The following PSMD7 variants were observed in gnomAD, a reference collection of about 807,000 sequenced individuals.
PSMD7 encodes the protein proteasome 26S subunit, non-ATPase 7, also known as 26S proteasome non-ATPase regulatory subunit 7.
PSMD7 carries 13 observed loss-of-function variants against 36.4 expected under a neutral mutation model. The observed-to-expected ratio is 0.36, with a 90% CI of 0.23 to 0.57. PSMD7 has a LOEUF of 0.57. Ranked by LOEUF, PSMD7 falls within the 20% of genes least tolerant of loss-of-function variation. The pLI is 0.83. For synonymous variants in PSMD7, 186 were observed against 151.0 expected (o/e 1.23, Z -1.70); for missense variants, 298 against 393.6 (o/e 0.76, Z 2.06).
chr16:74,305,698 G>A lies in PSMD7; in HGVS notation c.940G>A (p.Asp314Asn). ...KEKDKDKEKS[D>N]VKKEEKKEKK ...GAAAGATAAAGATAAGGAAAAGAGT[G>A]ATGTAAAGAAAGAGGAGAAAAAGGA... The change falls in exon 7 of 7, where the codon GAT (aspartate) becomes AAT (asparagine). Residue 314 changes from aspartate to asparagine, a missense_variant. Transcript: ENST00000219313. 6.8e-7 allele frequency: 1 copy of A among 1,463,392 alleles called. No individual in the cohort carries two copies. Among genetic ancestry groups the A allele is most frequent in the Non-Finnish European group, 9.1e-7 (1 of 1,102,550 alleles). 90.7% of individuals were successfully genotyped at this position (1,463,392 alleles called of 1,614,324 possible). A position where few individuals can be genotyped will look rare whatever the true frequency, so the allele number is the denominator to read the frequency against.
chr16:74,303,279 C>T (rs943009736), intron 5 of PSMD7, among the ~76,000 whole-genome samples: 3 of 152,182 alleles, frequency 2.0e-5, no homozygotes, highest in Non-Finnish European at 2.9e-5. Flanking sequence ...AAAATAATCA[C>T]GGCTAACTTT....
intron 6 of PSMD7, 70 bp from the exon 7 acceptor site, chr16:74,305,219 G>T (rs572810658): frequency 6.8e-7 from 1 of 1,477,976 alleles, no homozygotes; most frequent in East Asian, 2.3e-5. Context: ...TTCTTAGAAT[G>T]TAAGAACTTG....
intron 2 of PSMD7, chr16:74,300,462 A>T (rs1475276590): frequency 4.1e-6 from 2 of 482,242 alleles, no homozygotes; most frequent in Non-Finnish European, 7.5e-6. Context: ...ACATGTAAAC[A>T]AACAAAAGTG....
At chr16:74,301,243 A>G in intron 3 of PSMD7, 99 bp downstream of exon 3, 1 of 761,156 alleles carries the variant, frequency 1.3e-6, no homozygotes, top group Non-Finnish European at 2.1e-6. Flanking sequence ...CCTTTCACTT[A>G]GCTACACTTC....
chr16:74,297,909 G>C (rs184556232), intron 1 of PSMD7, among the ~76,000 whole-genome samples: 2 of 152,014 alleles, frequency 1.3e-5, no homozygotes, highest in African/African-American at 4.8e-5. Context: ...ATCAGCTGTG[G>C]TTTTAACCCA....
chr16:74,302,296 A>G lies in PSMD7; in HGVS notation c.438+4A>G. 3 of 1,612,986 alleles carry G rather than the reference A, an allele frequency of 1.9e-6. No individual in the cohort carries two copies. The highest frequency in any genetic ancestry group is 2.5e-6 in the Non-Finnish European group (3 of 1,179,300). Reference sequence around the variant, plus strand: ...TTCAGTGGAAGAAGTCCATGATGTAAGTCATCTTGCTATGAACCTGGGAGG... The same window carrying G: ...TTCAGTGGAAGAAGTCCATGATGTAGGTCATCTTGCTATGAACCTGGGAGG... On this transcript the variant is annotated splice_donor_region_variant and intron_variant, in intron 5 of 6. Transcript: ENST00000219313.
chr16:74,304,641 C>T (rs909930183), intron 6 of PSMD7: 1 of 369,778 alleles, frequency 2.7e-6, no homozygotes, highest in South Asian at 4.6e-5. Flanking sequence ...GGATAGCATA[C>T]CTTGTCTGGA....
chr16:74,298,648 A>C (rs2034132853), intron 1 of PSMD7, among the ~76,000 whole-genome samples: 2 of 152,012 alleles, frequency 1.3e-5, no homozygotes, highest in Admixed American at 1.3e-4. Context: ...GGATTGCTTG[A>C]GCTTAGGAGT....
intron 5 of PSMD7, among the ~76,000 whole-genome samples, chr16:74,302,590 A>G (rs183623999): frequency 6.6e-6 from 1 of 152,218 alleles, no homozygotes; most frequent in East Asian, 1.9e-4. Context: ...CAAAAATAAA[A>G]ACATTAGCCA....
chr16:74,305,605 C>A lies in PSMD7; in HGVS notation c.847C>A (p.Arg283=), dbSNP rs200912734. The A allele has an allele frequency of 5.6e-6, 9 of 1,598,036 alleles. No individual in the cohort carries two copies. The African/African-American group carries it at 1.2e-4, about 21-fold the overall frequency. Residue 283 remains arginine, a synonymous_variant, in exon 7 of 7, where the codon CGG becomes AGG. Transcript: ENST00000219313. ...CCTCATCAACAACAAGATTGCCAAC[C>A]GGGATGCAGAGAAGAAAGAAGGGCA... is the stretch of plus-strand genomic sequence containing the variant. ...HNLINNKIAN[R]DAEKKEGQEK...
rs755419967 is a variant in PSMD7, at chr16:74,305,629, C to A, written c.871C>A (p.Gln291Lys). 1 of 1,587,794 alleles carries A rather than the reference C, an allele frequency of 6.3e-7. No individual in the cohort carries two copies. Among genetic ancestry groups the A allele is most frequent in the Non-Finnish European group, 8.6e-7 (1 of 1,161,756 alleles). ...CCGGGATGCAGAGAAGAAAGAAGGG[C>A]AGGAGAAAGAAGAGAGCAAAAAGGA... ...ANRDAEKKEG[Q>K]EKEESKKDRK... The change falls in exon 7 of 7, where the codon CAG becomes AAG. Residue 291 changes from glutamine to lysine, a missense_variant. Gln to Lys is a moderately conservative substitution (Grantham distance 53). Transcript: ENST00000219313.
At chr16:74,305,124 AG>A (rs1227168419) in intron 6 of PSMD7, 164 bp from the exon 7 acceptor site, 1 of 862,120 alleles carries the variant, frequency 1.2e-6, no homozygotes, top group Non-Finnish European at 1.7e-6. Flanking sequence ...AACGAAATTA[AG>A]GTAATTGATA....
At position 74,300,103 on chromosome 16, in the gene PSMD7, T is replaced by G. The variant is rs1264724230; in HGVS notation, c.75-12T>G. 1 of 1,613,076 alleles carries G rather than the reference T, an allele frequency of 6.2e-7. No individual in the cohort carries two copies. The highest frequency in any genetic ancestry group is 8.5e-7 in the Non-Finnish European group (1 of 1,179,124). ...GAGCCTATCCACACTGACCATCTGT[T>G]TTCTCATTCAGAATCGGCAAGGTTG... On this transcript the variant is annotated splice_polypyrimidine_tract_variant and intron_variant, in intron 1 of 6. Coordinates refer to ENST00000219313, the MANE Select transcript of PSMD7 (RefSeq NM_002811.5).
rs536361007 is a variant in PSMD7 at position 74,305,466 on chromosome 16, G to A, written c.708G>A (p.Leu236=). The change falls in exon 7 of 7, where the codon CTG becomes CTA. Residue 236 remains leucine, a synonymous_variant. Transcript: ENST00000219313. ...ACCAGCTGCAGGACGTCTTCAACCT[G>A]CTGCCAGATGTCAGCCTGCAGGAGT... ...IIYQLQDVFN[L]LPDVSLQEFV... The A allele has an allele frequency of 6.3e-5, 102 of 1,614,116 alleles. No individual in the cohort carries two copies. In the Admixed American group the frequency reaches 1.6e-3, roughly 25 times the overall value.
chr16:74,299,493 C>T (rs2034139204), intron 1 of PSMD7: 1 of 444,686 alleles, frequency 2.2e-6, no homozygotes, highest in Non-Finnish European at 4.6e-6. Flanking sequence ...AGTCCCTGCA[C>T]CTCAGTCCCC....
rs1350245648 is a variant in PSMD7, at chr16:74,305,335, A to T, written c.577A>T (p.Asn193Tyr). ...TVGTLSQRITNQVHGLKGLNS... is the reference protein window; with the variant it reads ...TVGTLSQRITYQVHGLKGLNS... ...GGGCACTCTGTCCCAGCGGATCACA[A>T]ACCAGGTCCATGGTTTGAAGGGACT... Residue 193 changes from asparagine (N) to tyrosine (Y), a missense_variant, in exon 7 of 7, where the codon AAC (asparagine) becomes TAC (tyrosine). Physicochemically the swap from Asn to Tyr is moderately radical, Grantham distance 143 (BLOSUM62 -2). Coordinates refer to ENST00000219313, the MANE Select transcript of PSMD7 (RefSeq NM_002811.5). 1 of 1,613,986 alleles carries T rather than the reference A, an allele frequency of 6.2e-7. No individual in the cohort carries two copies. The highest frequency in any genetic ancestry group is 1.1e-5 in the South Asian group (1 of 91,084).
chr16:74,302,192 A>AAG lies in PSMD7; in HGVS notation c.358-18_358-17dup. The AAG allele has an allele frequency of 6.2e-7, 1 of 1,608,420 alleles. No homozygotes were observed. The highest frequency in any genetic ancestry group is 8.5e-7 in the Non-Finnish European group (1 of 1,176,056). ...TGTGCTGGGCGTGAGATGACTTGCTAAGATGTGTTTCTCTGCCAGGTATTG... is the reference window on the plus strand; with the variant it reads ...TGTGCTGGGCGTGAGATGACTTGCTAAGAGATGTGTTTCTCTGCCAGGTATTG... On this transcript the variant is annotated intron_variant, in intron 4 of 6. Coordinates refer to ENST00000219313, the MANE Select transcript of PSMD7 (RefSeq NM_002811.5).
At chr16:74,299,562 T>A (rs1472159852) in intron 1 of PSMD7, 1 of 455,376 alleles carries the variant, frequency 2.2e-6, no homozygotes, top group South Asian at 1.6e-5. Context: ...AAGTTTTGTA[T>A]TTTTTGTAGA....
intron 5 of PSMD7, among the ~76,000 whole-genome samples, chr16:74,303,552 G>A (rs1408132530): frequency 1.3e-5 from 2 of 152,082 alleles, no homozygotes; most frequent in Non-Finnish European, 1.5e-5. Context: ...TGTCCCCAAT[G>A]GATCCTTTGA....
Sources: allele counts gnomAD v4.1 joint callset (sites outside exome capture counted in the v4.1 genomes callset), GRCh38; gene constraint gnomAD v4.1.1; transcripts MANE v1.5; gene names NCBI Gene and HGNC (gene_info 2026-07-23, HGNC 2026-07-21).